The following SYNPR variants were observed in gnomAD, a reference collection of about 807,000 sequenced individuals.
SYNPR encodes the protein synaptoporin.
SYNPR carries 23 observed loss-of-function variants against 32.9 expected under a neutral mutation model. The ratio of observed to expected loss-of-function variants is 0.70; its 90% CI spans 0.50 to 0.99. The LOEUF is 0.99. SYNPR is among the 50% of genes least tolerant of loss of function. SYNPR has a pLI of 0.00. For synonymous variants in SYNPR, 146 were observed against 135.9 expected (o/e 1.07, Z -0.52); for missense variants, 318 against 349.3 (o/e 0.91, Z 0.71).
chr3:63,292,844 G>A (rs2086753936), intron 2 of SYNPR, among the ~76,000 whole-genome samples: 1 of 152,188 alleles, frequency 6.6e-6, no homozygotes, highest in Non-Finnish European at 1.5e-5. Flanking sequence ...ATAAAGAGCA[G>A]TTCTACGTAA....
intron 2 of SYNPR, among the ~76,000 whole-genome samples, chr3:63,303,888 G>C (rs1241854278): frequency 6.6e-6 from 1 of 151,930 alleles, no homozygotes; most frequent in Non-Finnish European, 1.5e-5. Context: ...TGGTCCTTTT[G>C]AGTTCTACCA....
chr3:63,293,801 G>A (rs1042319654), intron 2 of SYNPR, among the ~76,000 whole-genome samples: 1 of 151,586 alleles, frequency 6.6e-6, no homozygotes, highest in African/African-American at 2.4e-5. Flanking sequence ...GTGTGTGTGT[G>A]TGCCTAAAAT....
At chr3:63,332,687 T>C (rs1003008056) in intron 2 of SYNPR, among the ~76,000 whole-genome samples, 1 of 152,334 alleles carries the variant, frequency 6.6e-6, no homozygotes. Context: ...ATAGGTTCCA[T>C]CATCCCTGTT....
chr3:63,446,961 T>C (rs752768046), intron 2 of SYNPR, among the ~76,000 whole-genome samples: 2 of 152,170 alleles, frequency 1.3e-5, no homozygotes, highest in Admixed American at 6.5e-5. Context: ...AAAATGATAG[T>C]CATTTTTGTC....
At chr3:63,571,762 G>A (rs537753006) in intron 4 of SYNPR, among the ~76,000 whole-genome samples, 1 of 152,198 alleles carries the variant, frequency 6.6e-6, no homozygotes, top group East Asian at 1.9e-4. Context: ...TTCCTAAGGT[G>A]CTTAGTGTTA....
intron 2 of SYNPR, among the ~76,000 whole-genome samples, chr3:63,327,849 T>C (rs1249117553): frequency 2.6e-5 from 4 of 152,132 alleles, no homozygotes; most frequent in Non-Finnish European, 4.4e-5. Flanking sequence ...GATTGAGTAA[T>C]AGGTGTGTTC....
chr3:63,609,078 A>G, intron 4 of SYNPR, 47 bp from the exon 5 acceptor site: 1 of 1,537,390 alleles, frequency 6.5e-7, no homozygotes, highest in Admixed American at 2.2e-5. Flanking sequence ...TTGTTTCTAG[A>G]ACTCACATTT....
chr3:63,490,641 C>A (rs1474920439), intron 3 of SYNPR, among the ~76,000 whole-genome samples: 3 of 152,114 alleles, frequency 2.0e-5, no homozygotes, highest in African/African-American at 7.2e-5. Flanking sequence ...TTTTCCATCA[C>A]TTTTCTCAGT....
intron 3 of SYNPR, among the ~76,000 whole-genome samples, chr3:63,540,941 A>G (rs532516283): frequency 6.8e-6 from 1 of 148,144 alleles, no homozygotes; most frequent in East Asian, 2.0e-4. Context: ...ACACACACAC[A>G]CACACACACA....
intron 2 of SYNPR, among the ~76,000 whole-genome samples, chr3:63,464,886 A>G (rs1700649583): frequency 6.6e-6 from 1 of 152,158 alleles, no homozygotes; most frequent in Non-Finnish European, 1.5e-5. Context: ...TATTTTAAAA[A>G]GGTGACTCTG....
intron 4 of SYNPR, among the ~76,000 whole-genome samples, chr3:63,582,428 C>G (rs1703108881): frequency 1.3e-5 from 2 of 152,018 alleles, no homozygotes; most frequent in African/African-American, 2.4e-5. Flanking sequence ...ATGGTGTCCC[C>G]ATAGCATAAC....
At chr3:63,318,848 A>T (rs554009333) in intron 2 of SYNPR, among the ~76,000 whole-genome samples, 5 of 151,960 alleles carry the variant, frequency 3.3e-5, no homozygotes, top group African/African-American at 1.2e-4. Flanking sequence ...TTGTCATATT[A>T]CCGGGGTTGG....
chr3:63,510,344 C>T (rs868132927), intron 3 of SYNPR, among the ~76,000 whole-genome samples: 3 of 152,216 alleles, frequency 2.0e-5, no homozygotes, highest in South Asian at 4.1e-4. Flanking sequence ...TAAAACAATG[C>T]TGTGTTTTTA....
At chr3:63,211,000 C>G in the SYNPR span, among the ~76,000 whole-genome samples, 1 of 152,188 alleles carries the variant, frequency 6.6e-6, no homozygotes, top group Admixed American at 6.5e-5. Flanking sequence ...CACTATTAGC[C>G]TCTTCTCCAG....
chr3:63,247,592 T>C (rs767817624), intron 1 of SYNPR, among the ~76,000 whole-genome samples: 4 of 152,182 alleles, frequency 2.6e-5, no homozygotes, highest in Non-Finnish European at 5.9e-5. Flanking sequence ...CCTGAGAGTG[T>C]TGCTTTCCCC....
intron 2 of SYNPR, among the ~76,000 whole-genome samples, chr3:63,313,440 T>G (rs1357648643): frequency 6.6e-6 from 1 of 151,510 alleles, no homozygotes; most frequent in East Asian, 2.0e-4. Flanking sequence ...CTTAGCTCCC[T>G]CATATAAGTG....
chr3:63,597,731 A>G (rs1484182702), intron 4 of SYNPR, among the ~76,000 whole-genome samples: 1 of 152,192 alleles, frequency 6.6e-6, no homozygotes, highest in Admixed American at 6.5e-5. Flanking sequence ...AATCTCCCTC[A>G]CACAGCTGTT....
intron 3 of SYNPR, among the ~76,000 whole-genome samples, chr3:63,528,898 C>T (rs1702063771): frequency 6.6e-6 from 1 of 152,092 alleles, no homozygotes; most frequent in Non-Finnish European, 1.5e-5. Flanking sequence ...AATCATACTC[C>T]CTCCAATAAT....
Position 63,568,488 on chromosome 3 carries a change from A to G in SYNPR, c.408+11747A>G, listed in dbSNP as rs78059233. Among the ~76,000 whole-genome samples, 122 of 152,280 alleles carry G rather than the reference A, an allele frequency of 8.0e-4. No individual in the cohort carries two copies. The East Asian group carries it at 0.023, about 29-fold the overall frequency. Reference sequence around the variant, plus strand: ...GAGAACCACCCTCTCCCACTTATATAGTCCTGGCGGATGGTCAATCATGGT... The same window carrying G: ...GAGAACCACCCTCTCCCACTTATATGGTCCTGGCGGATGGTCAATCATGGT... On this transcript the variant is annotated intron_variant, in intron 4 of 5. Coordinates refer to ENST00000478300, the MANE Select transcript of SYNPR (RefSeq NM_001130003.2).
Sources: allele counts gnomAD v4.1 joint callset (sites outside exome capture counted in the v4.1 genomes callset), GRCh38; gene constraint gnomAD v4.1.1; transcripts MANE v1.5; gene names NCBI Gene and HGNC (gene_info 2026-07-23, HGNC 2026-07-21).